ZNF248: variants seen among roughly 807,000 people sequenced by gnomAD.
ZNF248 encodes the protein KRAB protein domain.
ZNF248 carries 20 observed loss-of-function variants against 44.3 expected under a neutral mutation model. The observed-to-expected ratio is 0.45, with a 90% confidence interval of 0.32 to 0.66. The LOEUF (loss-of-function observed/expected upper bound fraction) is 0.66, where lower values mean the gene tolerates loss of function less well. Among genes scored for constraint, ZNF248 ranks in the 30% least tolerant of loss-of-function variants. The pLI is 0.04. For missense variants in ZNF248, 654 were observed against 677.0 expected (o/e 0.97, Z 0.38); for synonymous variants, 224 against 229.0 (o/e 0.98, Z 0.20).
At chr10:37,789,291 C>CAA (rs5784563) in intron 6 of ZNF248, among the ~76,000 whole-genome samples, 104 of 146,620 alleles carry the variant, frequency 7.1e-4, no homozygotes, top group East Asian at 3.0e-3. Context: ...AATTATATCT[C>CAA]AAAAAAAAAA....
intron 6 of ZNF248, among the ~76,000 whole-genome samples, chr10:37,777,902 A>G (rs1254704199): frequency 3.3e-5 from 5 of 152,046 alleles, no homozygotes; most frequent in Admixed American, 3.3e-4. Flanking sequence ...TCCACGGTGT[A>G]TATGTGCCAC....
downstream of ZNF248, among the ~76,000 whole-genome samples, chr10:37,826,913 T>C (rs868269285): frequency 1.3e-5 from 2 of 152,166 alleles, no homozygotes; most frequent in Non-Finnish European, 2.9e-5. Context: ...CTCATATATA[T>C]TGGTTACAGT....
downstream of ZNF248, among the ~76,000 whole-genome samples, chr10:37,774,913 T>A (rs892400249): frequency 4.6e-5 from 7 of 152,068 alleles, no homozygotes; most frequent in African/African-American, 1.7e-4. Context: ...CCCAAGTAGC[T>A]GGCCACGCCA....
the ZNF248 span, among the ~76,000 whole-genome samples, chr10:37,760,869 A>G: frequency 1.3e-5 from 2 of 152,200 alleles, no homozygotes; most frequent in Non-Finnish European, 2.9e-5. Context: ...ACATACTAAA[A>G]CATTACCTTT....
the ZNF248 span, among the ~76,000 whole-genome samples, chr10:37,765,942 G>A: frequency 1.3e-5 from 2 of 152,320 alleles, no homozygotes; most frequent in African/African-American, 4.8e-5. Context: ...CTTAAAAAAC[G>A]GCACACCAGG....
Position 37,856,455 on chromosome 10 carries a change from T to A in ZNF248, c.-48A>T, listed in dbSNP as rs1445119302. On this transcript the variant is annotated 5_prime_UTR_variant, in exon 2 of 6. Coordinates refer to ENST00000395867, the MANE Select transcript of ZNF248 (RefSeq NM_021045.3). Reference sequence around the variant, plus strand: ...CTTACGTGTCCATGTGTGGCTCCGATATATGCTGAGCTCAGACATGACACT... The same window carrying A: ...CTTACGTGTCCATGTGTGGCTCCGAAATATGCTGAGCTCAGACATGACACT... 11 of 1,413,668 alleles carry A rather than the reference T, an allele frequency of 7.8e-6. No homozygotes were observed. Among genetic ancestry groups the A allele is most frequent in the Non-Finnish European group, 1.9e-6 (2 of 1,078,558 alleles). The allele number at this position is 1,413,668 out of a possible 1,614,324, so 87.6% of individuals were successfully genotyped here.
intron 5 of ZNF248, among the ~76,000 whole-genome samples, chr10:37,833,824 G>C (rs1447166412): frequency 6.6e-6 from 1 of 152,118 alleles, no homozygotes; most frequent in Non-Finnish European, 1.5e-5. Flanking sequence ...GAGATATTCT[G>C]AGAGCTGTTC....
At chr10:37,817,222 C>T (rs1262602181) in intron 6 of ZNF248, among the ~76,000 whole-genome samples, 2 of 152,078 alleles carry the variant, frequency 1.3e-5, no homozygotes, top group East Asian at 3.9e-4. Context: ...GACGGGAGGG[C>T]ACTGATTGTG....
the ZNF248 span, among the ~76,000 whole-genome samples, chr10:37,763,185 G>C: frequency 6.6e-6 from 1 of 152,194 alleles, no homozygotes; most frequent in African/African-American, 2.4e-5. Flanking sequence ...GCCTTTACTG[G>C]ACAAGGGCCC....
At chr10:37,821,385 G>T (rs2053437843) in intron 6 of ZNF248, among the ~76,000 whole-genome samples, 1 of 152,104 alleles carries the variant, frequency 6.6e-6, no homozygotes, top group Admixed American at 6.5e-5. Flanking sequence ...TGTTAAGTGT[G>T]GTGGATGTAT....
chr10:37,847,743 A>C lies in ZNF248; in HGVS notation c.15+8553T>G, dbSNP rs187412560. Among the ~76,000 whole-genome samples the C allele has an allele frequency of 1.8e-4, 28 of 152,222 alleles. No homozygotes were observed. In the East Asian group the frequency reaches 4.6e-3, roughly 25 times the overall value. ...ACTGATATGTTTACAAAAAAAAATT[A>C]TCTTGAATTTGATTCAAAATAATCT... On this transcript the variant is annotated intron_variant, in intron 3 of 5. Coordinates refer to ENST00000395867, the MANE Select transcript of ZNF248 (RefSeq NM_021045.3).
intron 6 of ZNF248, among the ~76,000 whole-genome samples, chr10:37,794,050 T>C (rs1424296746): frequency 6.6e-6 from 1 of 152,198 alleles, no homozygotes; most frequent in Non-Finnish European, 1.5e-5. Context: ...TATTGATTTG[T>C]TGATTATGAT....
At chr10:37,852,696 ATATG>A (rs2060504540) in intron 3 of ZNF248, among the ~76,000 whole-genome samples, 1 of 148,692 alleles carries the variant, frequency 6.7e-6, no homozygotes, top group African/African-American at 2.4e-5. Context: ...TATATGTAAA[ATATG>A]TATTTATATA....
chr10:37,843,256 T>C (rs938140439), intron 3 of ZNF248, among the ~76,000 whole-genome samples: 1 of 151,588 alleles, frequency 6.6e-6, no homozygotes, highest in Non-Finnish European at 1.5e-5. Flanking sequence ...CCATCTCTAC[T>C]AAAAAAAGAA....
chr10:37,827,505 A>T (rs1043367143), downstream of ZNF248, among the ~76,000 whole-genome samples: 2 of 152,178 alleles, frequency 1.3e-5, no homozygotes, highest in African/African-American at 4.8e-5. Context: ...TCTAGGAGAG[A>T]CATTGGTTCT....
At chr10:37,807,062 C>T (rs2133317097) in intron 6 of ZNF248, among the ~76,000 whole-genome samples, 1 of 152,008 alleles carries the variant, frequency 6.6e-6, no homozygotes, top group Admixed American at 6.6e-5. Flanking sequence ...CTGCTCACTG[C>T]AAACTCCGCC....
At position 37,820,268 on chromosome 10, in the gene ZNF248, C is replaced by T. The variant is rs1045992996; in HGVS notation, c.330+12757G>A. 5 of 1,377,472 alleles carry T rather than the reference C, an allele frequency of 3.6e-6. No homozygotes were observed. The Admixed American group carries it at 5.1e-5, about 14-fold the overall frequency. 85.3% of individuals were successfully genotyped at this position (1,377,472 alleles called of 1,614,324 possible). ...TCTGTTTTTGGGAGCTGCAGAAATG[C>T]TCTGTGTTGCCAGATCTCATAGATG... is the stretch of plus-strand genomic sequence containing the variant. On this transcript the variant is annotated intron_variant, in intron 6 of 6. Coordinates refer to the ZNF248 transcript ENST00000615949.
intron 6 of ZNF248, chr10:37,794,142 T>C (rs2048875142): frequency 6.6e-6 from 1 of 152,358 alleles, no homozygotes; most frequent in East Asian, 1.9e-4. Context: ...GGAGTTTCAA[T>C]ATTTAAGACA....
At chr10:37,816,354 T>G (rs1386151130) in intron 6 of ZNF248, among the ~76,000 whole-genome samples, 1 of 152,110 alleles carries the variant, frequency 6.6e-6, no homozygotes, top group African/African-American at 2.4e-5. Flanking sequence ...CAGGACAGGG[T>G]CCTTAATGCC....
Sources: gnomAD v4.1 joint callset for allele counts (sites outside exome capture counted in the v4.1 genomes callset) on GRCh38, gnomAD v4.1.1 for gene constraint, MANE v1.5 for transcripts, NCBI Gene and HGNC (gene_info 2026-07-23, HGNC 2026-07-21) for gene names.